The following CFAP57 variants were observed in gnomAD, a reference collection of about 807,000 sequenced individuals.
The protein encoded by CFAP57 is cilia and flagella associated protein 57.
Under a neutral mutation model 146.8 loss-of-function variants are expected in CFAP57, and 116 were observed. That is an observed-to-expected ratio of 0.79 (90% CI 0.68 to 0.92). The LOEUF is 0.92. Among genes scored for constraint, CFAP57 ranks in the 40% least tolerant of loss-of-function variants. CFAP57 has a pLI of 0.00. For missense variants in CFAP57, 1,377 were observed against 1,527.2 expected, an observed-to-expected ratio of 0.90 and a Z score of 1.64; for synonymous variants, 518 against 552.8, an observed-to-expected ratio of 0.94 and a Z score of 0.88.
chr1:43,204,938 G>C (rs1011252586), intron 9 of CFAP57, among the ~76,000 whole-genome samples: 2 of 152,114 alleles, frequency 1.3e-5, no homozygotes, highest in African/African-American at 4.8e-5. Context: ...CCTGGGTCGG[G>C]AGAGCTTAAT....
At chr1:43,220,096 G>C (rs1048730836) in intron 13 of CFAP57, among the ~76,000 whole-genome samples, 1 of 152,164 alleles carries the variant, frequency 6.6e-6, no homozygotes, top group African/African-American at 2.4e-5. Flanking sequence ...ATCTATAGTA[G>C]TAAAATACAT....
intron 2 of CFAP57, 142 bp downstream of exon 2, chr1:43,173,052 C>T (rs1645038034): frequency 2.8e-6 from 2 of 715,458 alleles, no homozygotes; most frequent in African/African-American, 1.8e-5. Flanking sequence ...AAATAAATGG[C>T]GACTTGTATT....
At chr1:43,210,013 C>G (rs1369405526) in intron 11 of CFAP57, 97 bp downstream of exon 11, 7 of 1,613,294 alleles carry the variant, frequency 4.3e-6, no homozygotes, top group African/African-American at 1.3e-5. Flanking sequence ...CTCTCTCCTT[C>G]TTCTCTCTTA....
At chr1:43,189,024 T>C (rs552033673) in intron 6 of CFAP57, among the ~76,000 whole-genome samples, 2 of 152,252 alleles carry the variant, frequency 1.3e-5, no homozygotes, top group Non-Finnish European at 2.9e-5. Context: ...TCTTTCTCCA[T>C]TGAGTAGTCT....
chr1:43,224,440 C>T (rs941858210), intron 17 of CFAP57, among the ~76,000 whole-genome samples: 1 of 152,224 alleles, frequency 6.6e-6, no homozygotes, highest in Admixed American at 6.5e-5. Flanking sequence ...TGTTATGGTT[C>T]GGGAAGCTGA....
chr1:43,177,246 A>G, intron 2 of CFAP57: 1 of 456,130 alleles, frequency 2.2e-6, no homozygotes, highest in Non-Finnish European at 4.4e-6. Context: ...AGGTAGAGGC[A>G]GGCGACAGGG....
Position 43,254,178 on chromosome 1 carries a change from TGAAGAC to T in CFAP57, c.3741_3746del (p.Lys1248_Thr1249del), listed in dbSNP as rs1255887843. 18 of 1,548,240 alleles carry T rather than the reference TGAAGAC, an allele frequency of 1.2e-5. No homozygotes were observed. In the African/African-American group the frequency reaches 1.9e-4, roughly 17 times the overall value. On this transcript the variant is annotated inframe_deletion, in exon 23 of 23. Transcript: ENST00000372492. ...TCCAACTCCGAGGTAGACTTAGAGG[TGAAGAC>T]CAACTGACCCCCTCTGGTGAGCCAT...
chr1:43,216,313 G>A (rs1644831864), intron 12 of CFAP57, among the ~76,000 whole-genome samples: 1 of 152,310 alleles, frequency 6.6e-6, no homozygotes, highest in African/African-American at 2.4e-5. Context: ...ACAAAGCACG[G>A]TGACAAGCCC....
Position 43,199,443 on chromosome 1 carries a change from TC to T in CFAP57, c.1483del (p.His495ThrfsTer8). ...TTGCTGCAGTCAATGGAAATGTGAT[TC>T]ACGTTTACACCACCACGAGCCTAGA... ...LFAAVNGNVI[H>X]VYTTTSLENI... On this transcript the variant is annotated frameshift_variant, in exon 9 of 23. Transcript: ENST00000372492. LOFTEE classifies it high-confidence loss of function. 6.2e-7 allele frequency: 1 copy of T among 1,614,130 alleles called. No homozygotes were observed.
intron 10 of CFAP57, among the ~76,000 whole-genome samples, chr1:43,207,515 G>C (rs940229659): frequency 6.6e-6 from 1 of 152,214 alleles, no homozygotes; most frequent in African/African-American, 2.4e-5. Context: ...ATAGTAGGCT[G>C]TCGCAGCTAG....
intron 6 of CFAP57, among the ~76,000 whole-genome samples, chr1:43,187,668 TC>T (rs1350551611): frequency 6.7e-6 from 1 of 150,360 alleles, no homozygotes; most frequent in African/African-American, 2.4e-5. Context: ...TTATCACCCC[TC>T]CCCACCCCAG....
At chr1:43,249,688 G>A (rs887322022) in intron 22 of CFAP57, among the ~76,000 whole-genome samples, 8 of 135,490 alleles carry the variant, frequency 5.9e-5, no homozygotes, top group South Asian at 2.4e-4. Flanking sequence ...CAGCCAATCC[G>A]CCCACCTCGG....
chr1:43,253,658 T>C (rs542626546), intron 22 of CFAP57, among the ~76,000 whole-genome samples: 1 of 152,084 alleles, frequency 6.6e-6, no homozygotes, highest in African/African-American at 2.4e-5. Flanking sequence ...AGTGCCATCC[T>C]GCTAGGATGT....
At chr1:43,236,590 TAAAAAA>T (rs764205138) in intron 21 of CFAP57, among the ~76,000 whole-genome samples, 35 of 41,806 alleles carry the variant, frequency 8.4e-4, no homozygotes, top group African/African-American at 3.0e-3. Flanking sequence ...GAATAAGTGC[TAAAAAA>T]AAAAAAAAAA....
At chr1:43,239,372 A>T (rs1317525449) in intron 21 of CFAP57, among the ~76,000 whole-genome samples, 1 of 151,398 alleles carries the variant, frequency 6.6e-6, no homozygotes, top group South Asian at 2.1e-4. Flanking sequence ...AGAGGTTGGC[A>T]GGGGGGTCAG....
intron 17 of CFAP57, 22 bp downstream of exon 17, chr1:43,224,226 C>T: frequency 1.3e-6 from 2 of 1,509,482 alleles, no homozygotes; most frequent in Middle Eastern, 1.8e-4. Context: ...CTTCTGTCCT[C>T]CCTCAGCTAC....
At chr1:43,184,070 A>G (rs1474374731) in intron 4 of CFAP57, among the ~76,000 whole-genome samples, 193 bp downstream of exon 4, 1 of 152,236 alleles carries the variant, frequency 6.6e-6, no homozygotes, top group Non-Finnish European at 1.5e-5. Context: ...ACTAAATACA[A>G]TTCTTTTTAT....
At chr1:43,235,675 A>G (rs1645658228) in intron 21 of CFAP57, among the ~76,000 whole-genome samples, 1 of 152,072 alleles carries the variant, frequency 6.6e-6, no homozygotes, top group South Asian at 2.1e-4. Flanking sequence ...GGAGGCCCAG[A>G]GATAGAAGTG....
intron 5 of CFAP57, 29 bp downstream of exon 5, chr1:43,185,385 A>C: frequency 6.2e-7 from 1 of 1,600,662 alleles, no homozygotes; most frequent in Non-Finnish European, 8.6e-7. Flanking sequence ...AAAGAAGTAA[A>C]ATGGGGGTCC....
Sources: gnomAD v4.1 joint callset for allele counts (sites outside exome capture counted in the v4.1 genomes callset) on GRCh38, gnomAD v4.1.1 for gene constraint, MANE v1.5 for transcripts, NCBI Gene and HGNC (gene_info 2026-07-23, HGNC 2026-07-21) for gene names.